The following IL1RAPL2 variants were observed in gnomAD, a reference collection of about 807,000 sequenced individuals.
IL1RAPL2 encodes X-linked interleukin-1 receptor accessory protein-like 2.
Under a neutral mutation model 44.1 loss-of-function variants are expected in IL1RAPL2, and 3 were observed. The observed-to-expected ratio is 0.07, with a 90% CI of 0.03 to 0.18. IL1RAPL2 has a LOEUF of 0.18. Ranked by LOEUF, IL1RAPL2 falls within the 10% of genes least tolerant of loss-of-function variation. The pLI, the probability that IL1RAPL2 is intolerant of heterozygous loss-of-function variation, is 1.00. For missense variants in IL1RAPL2, 391 were observed against 496.4 expected, an observed-to-expected ratio of 0.79 and a Z score of 2.02; for synonymous variants, 181 against 178.8, an observed-to-expected ratio of 1.01 and a Z score of -0.10.
chrX:105,248,200 A>C, intron 4 of IL1RAPL2, among the ~76,000 whole-genome samples: 1 of 111,611 alleles, frequency 9.0e-6, no homozygotes, highest in Non-Finnish European at 1.9e-5. Context: ...GACATACAAG[A>C]TGGAAATGCT....
Position 104,933,402 on chromosome X carries a change from A to G in IL1RAPL2, c.83-262073A>G, listed in dbSNP as rs1255615956. Among the ~76,000 whole-genome samples, 15 of 111,832 alleles carry G rather than the reference A, an allele frequency of 1.3e-4. No individual in the cohort carries two copies. In the Admixed American group the frequency reaches 1.4e-3, roughly 11 times the overall value. ...GTACTTGTCTTATTGCATGGAAAGTACTTTTTTAGATAGCTAGAAGGCTGG... is the reference window on the plus strand; with the variant it reads ...GTACTTGTCTTATTGCATGGAAAGTGCTTTTTTAGATAGCTAGAAGGCTGG... On this transcript the variant is annotated intron_variant, in intron 2 of 10. Coordinates refer to ENST00000372582, the MANE Select transcript of IL1RAPL2 (RefSeq NM_017416.2).
At chrX:104,597,331 T>G (rs1928784367) in intron 1 of IL1RAPL2, among the ~76,000 whole-genome samples, 1 of 85,401 alleles carries the variant, frequency 1.2e-5, no homozygotes, top group Non-Finnish European at 2.2e-5. Context: ...GGCAACAGAG[T>G]GAGACTCCAT....
chrX:104,679,560 C>T (rs1930854996), intron 2 of IL1RAPL2, among the ~76,000 whole-genome samples: 1 of 111,713 alleles, frequency 9.0e-6, no homozygotes, highest in South Asian at 3.7e-4. Flanking sequence ...TTTATCTTTG[C>T]ACTTTTATTC....
intron 2 of IL1RAPL2, among the ~76,000 whole-genome samples, chrX:105,083,596 T>C (rs1031074440): frequency 3.6e-5 from 4 of 111,578 alleles, no homozygotes; most frequent in African/African-American, 1.3e-4. Flanking sequence ...CAAAGGTAAG[T>C]CCATCAAATT....
At chrX:105,443,691 T>G (rs1375256107) in intron 5 of IL1RAPL2, among the ~76,000 whole-genome samples, 3 of 112,460 alleles carry the variant, frequency 2.7e-5, no homozygotes, top group Non-Finnish European at 5.6e-5. Flanking sequence ...CTCAATCATT[T>G]TATGGCTGAA....
intron 6 of IL1RAPL2, among the ~76,000 whole-genome samples, chrX:105,488,939 T>C (rs748984650): frequency 3.2e-4 from 36 of 112,217 alleles, no homozygotes; most frequent in Admixed American, 1.7e-3. Flanking sequence ...CCATTAGTCA[T>C]CTGCAAAGTT....
intron 6 of IL1RAPL2, among the ~76,000 whole-genome samples, chrX:105,587,360 A>G (rs1291558297): frequency 9.0e-6 from 1 of 111,323 alleles, no homozygotes; most frequent in Non-Finnish European, 1.9e-5. Context: ...TATTCTTTCC[A>G]AAGTTCTGTA....
chrX:105,186,911 T>C (rs782576454), intron 2 of IL1RAPL2, among the ~76,000 whole-genome samples: 137 of 111,994 alleles, frequency 1.2e-3, no homozygotes, highest in African/African-American at 4.0e-3. Context: ...ATAATTTTAA[T>C]GTAGCAAACC....
chrX:104,732,255 A>T (rs902046033), intron 2 of IL1RAPL2, among the ~76,000 whole-genome samples: 1 of 111,567 alleles, frequency 9.0e-6, no homozygotes, highest in African/African-American at 3.3e-5. Context: ...ATAGTTGATT[A>T]AAAAAGGGAA....
intron 2 of IL1RAPL2, among the ~76,000 whole-genome samples, chrX:104,678,218 G>A (rs889510827): frequency 8.9e-6 from 1 of 112,501 alleles, no homozygotes; most frequent in Non-Finnish European, 1.9e-5. Flanking sequence ...AACAGCCAAA[G>A]TACCTTCCTG....
chrX:104,761,930 CTTCTTCTTCTTCTT>C (rs1569309927), intron 2 of IL1RAPL2, among the ~76,000 whole-genome samples: 15 of 38,331 alleles, frequency 3.9e-4, no homozygotes, highest in Non-Finnish European at 6.3e-4. Context: ...TCTCCTTCTT[CTTCTTCTTCTTCTT>C]CTTCTTCTTC....
At chrX:105,305,836 C>T (rs1204938134) in intron 5 of IL1RAPL2, among the ~76,000 whole-genome samples, 1 of 111,489 alleles carries the variant, frequency 9.0e-6, no homozygotes, top group Non-Finnish European at 1.9e-5. Context: ...GACATCTGCT[C>T]GGGGCAGAGA....
chrX:105,645,847 A>T (rs1209996509), intron 6 of IL1RAPL2, among the ~76,000 whole-genome samples: 2 of 111,677 alleles, frequency 1.8e-5, no homozygotes, highest in Non-Finnish European at 3.8e-5. Flanking sequence ...TGGCATGGGT[A>T]ATCTGTGGCC....
chrX:105,115,262 T>C (rs1490516452), intron 2 of IL1RAPL2, among the ~76,000 whole-genome samples: 4 of 111,501 alleles, frequency 3.6e-5, no homozygotes, highest in African/African-American at 1.3e-4. Flanking sequence ...ACCCAAACAG[T>C]GAGCAGTAGC....
intron 2 of IL1RAPL2, among the ~76,000 whole-genome samples, chrX:104,976,222 C>A (rs1241482913): frequency 3.6e-5 from 4 of 111,261 alleles, no homozygotes; most frequent in Non-Finnish European, 7.5e-5. Flanking sequence ...TTAAAAGACA[C>A]CCTAGTGGTC....
chrX:104,721,381 G>T (rs1228591003), intron 2 of IL1RAPL2, among the ~76,000 whole-genome samples: 1 of 110,434 alleles, frequency 9.1e-6, no homozygotes, highest in Non-Finnish European at 1.9e-5. Context: ...TCTTTGCAGG[G>T]ACACAGATGG....
At chrX:104,750,757 G>T (rs1932243721) in intron 2 of IL1RAPL2, among the ~76,000 whole-genome samples, 1 of 111,147 alleles carries the variant, frequency 9.0e-6, no homozygotes, top group African/African-American at 3.3e-5. Flanking sequence ...AACTCCATCT[G>T]GCACTGTAAT....
chrX:105,422,859 T>G (rs1569438666), intron 5 of IL1RAPL2, among the ~76,000 whole-genome samples: 1 of 110,660 alleles, frequency 9.0e-6, no homozygotes, highest in Non-Finnish European at 1.9e-5. Flanking sequence ...ATCAGAAACT[T>G]GTATTCAAGA....
chrX:105,297,478 G>T (rs181402490), intron 5 of IL1RAPL2, among the ~76,000 whole-genome samples: 1 of 110,990 alleles, frequency 9.0e-6, no homozygotes, highest in African/African-American at 3.3e-5. Flanking sequence ...CTGCATGGCT[G>T]GGGGGTGCCT....
Sources: gnomAD v4.1 joint callset for allele counts (sites outside exome capture counted in the v4.1 genomes callset) on GRCh38, gnomAD v4.1.1 for gene constraint, MANE v1.5 for transcripts, NCBI Gene and HGNC (gene_info 2026-07-23, HGNC 2026-07-21) for gene names.